ABCG1: variants seen among roughly 807,000 people sequenced by gnomAD.
The protein encoded by ABCG1 is ATP-binding cassette sub-family G member 1.
ABCG1 carries 29 observed loss-of-function variants against 69.2 expected under a neutral mutation model. The observed-to-expected ratio is 0.42, with a 90% CI of 0.31 to 0.57. ABCG1 has a LOEUF of 0.57. ABCG1 is among the 20% of genes least tolerant of loss of function. The pLI is 0.15. For synonymous variants in ABCG1, 370 were observed against 374.8 expected, an observed-to-expected ratio of 0.99 and a Z score of 0.15; for missense variants, 718 against 898.1, an observed-to-expected ratio of 0.80 and a Z score of 2.56.
chr21:42,223,430 T>A (rs1490918400), intron 1 of ABCG1, among the ~76,000 whole-genome samples: 1 of 152,098 alleles, frequency 6.6e-6, no homozygotes, highest in Non-Finnish European at 1.5e-5. Flanking sequence ...TTGTAATTAG[T>A]TGGTCTTCCT....
Position 42,273,915 on chromosome 21 carries a change from C to T in ABCG1, c.537+480C>T, listed in dbSNP as rs1482045968. ...GGTGGGAAAATGAAACCAGCAGTGG[C>T]CGAGCATCTCCTGGGTCCCAGGCCC... is the stretch of plus-strand genomic sequence containing the variant. On this transcript the variant is annotated intron_variant, in intron 4 of 14. Transcript: ENST00000398449. The surrounding 1 kb of genome is among the most constrained non-coding windows in gnomAD (Gnocchi z 5.3). 6.6e-6 allele frequency among the ~76,000 whole-genome samples: 1 copy of T among 152,156 alleles called. No individual in the cohort carries two copies. Among genetic ancestry groups the T allele is most frequent in the Non-Finnish European group, 1.5e-5 (1 of 68,030 alleles).
rs998261099 is a variant in ABCG1 at position 42,225,808 on chromosome 21, C to G, written c.180C>G (p.Leu60=). 5 of 1,613,936 alleles carry G rather than the reference C, an allele frequency of 3.1e-6. No individual in the cohort carries two copies. The highest frequency in any genetic ancestry group is 4.2e-6 in the Non-Finnish European group (5 of 1,179,992). The change falls in exon 2 of 15, where the codon CTC becomes CTG. Residue 60 remains leucine, a synonymous_variant. Coordinates refer to ENST00000398449, the MANE Select transcript of ABCG1 (RefSeq NM_016818.3). ...NGHLKKVDNN[L]TEAQRFSSLP... is the part of the protein sequence containing the mutation. ...ATCTGAAAAAAGTAGATAATAACCTCACGGAAGCCCAGCGCTTCTCCTCCT... is the reference window on the plus strand; with the variant it reads ...ATCTGAAAAAAGTAGATAATAACCTGACGGAAGCCCAGCGCTTCTCCTCCT...
At chr21:42,212,191 G>A (rs1324238679), upstream of ABCG1, among the ~76,000 whole-genome samples, 1 of 152,082 alleles carries the variant, frequency 6.6e-6, no homozygotes, top group Non-Finnish European at 1.5e-5. Flanking sequence ...TGTTATAGGA[G>A]TCCAAATGGA....
chr21:42,210,720 C>T (rs935301246), intron 2 of ABCG1, among the ~76,000 whole-genome samples: 33 of 142,298 alleles, frequency 2.3e-4, no homozygotes, highest in African/African-American at 9.2e-4. Context: ...CGCCCCCCTC[C>T]CTCCACCCTG....
chr21:42,249,092 C>T (rs2068180488), intron 2 of ABCG1, among the ~76,000 whole-genome samples: 1 of 152,174 alleles, frequency 6.6e-6, no homozygotes, highest in Non-Finnish European at 1.5e-5. Flanking sequence ...CTAAAAACTT[C>T]AAAACATTCA....
chr21:42,233,340 G>C (rs557215025), intron 2 of ABCG1, among the ~76,000 whole-genome samples: 1 of 152,162 alleles, frequency 6.6e-6, no homozygotes. Context: ...TCGTGCTGCC[G>C]TAGCCCGCCC....
In ABCG1 at chr21:42,284,674, G is replaced by C. The variant is rs139950936; in HGVS notation, c.849G>C (p.Leu283=). ...AGCCCAGCGCCAAACTCTTCGAGCT[G>C]TTCGACCAGGTACGCGGGCCCCGGG... ...IHQPSAKLFE[L]FDQLYVLSQG... The change falls in exon 7 of 15, where the codon CTG becomes CTC. Residue 283 remains leucine, a synonymous_variant. Coordinates refer to ENST00000398449, the MANE Select transcript of ABCG1 (RefSeq NM_016818.3). The C allele has an allele frequency of 1.3e-4, 212 of 1,613,276 alleles. No homozygotes were observed. The highest frequency in any genetic ancestry group is 1.7e-4 in the Non-Finnish European group (203 of 1,179,996).
intron 2 of ABCG1, among the ~76,000 whole-genome samples, chr21:42,246,210 A>G (rs1490072203): frequency 6.6e-6 from 1 of 152,202 alleles, no homozygotes; most frequent in African/African-American, 2.4e-5. Context: ...CCAAACACTT[A>G]GAAGAATAAA....
chr21:42,281,781 C>T (rs898839235), intron 5 of ABCG1, among the ~76,000 whole-genome samples: 14 of 152,210 alleles, frequency 9.2e-5, no homozygotes, highest in Non-Finnish European at 1.6e-4. Context: ...CTCCATGCTG[C>T]TCTGTGCACT....
At chr21:42,254,772 G>C (rs750053866) in intron 2 of ABCG1, among the ~76,000 whole-genome samples, 1 of 152,250 alleles carries the variant, frequency 6.6e-6, no homozygotes, top group Non-Finnish European at 1.5e-5. Flanking sequence ...GAGGGAGGAA[G>C]AGGGGTCTGG....
chr21:42,224,195 C>A (rs2067776664), intron 1 of ABCG1, among the ~76,000 whole-genome samples: 1 of 152,160 alleles, frequency 6.6e-6, no homozygotes, highest in South Asian at 2.1e-4. Context: ...TTGTTGACAT[C>A]CCCCCTCCAA....
intron 2 of ABCG1, among the ~76,000 whole-genome samples, chr21:42,255,537 A>T (rs1309046462): frequency 6.6e-6 from 1 of 152,178 alleles, no homozygotes. Context: ...CACTGTGTGT[A>T]CAGGGCAGAC....
chr21:42,286,018 G>C lies in ABCG1; in HGVS notation c.973+24G>C, dbSNP rs772161934. The C allele has an allele frequency of 5.2e-6, 8 of 1,530,806 alleles. No homozygotes were observed. In the East Asian group the frequency reaches 9.0e-5, roughly 17 times the overall value. The allele number at this position is 1,530,806 out of a possible 1,614,324, so 94.8% of individuals were successfully genotyped here. A position where few individuals can be genotyped will look rare whatever the true frequency, so the allele number is the denominator to read the frequency against. ...TGGTAAGCGGAGTCCTGAGCAGCTC[G>C]GGGGACAGAAAGGGGATTTTCCTCC... On this transcript the variant is annotated intron_variant, in intron 8 of 14. Coordinates refer to ENST00000398449, the MANE Select transcript of ABCG1 (RefSeq NM_016818.3).
chr21:42,256,253 G>A, intron 2 of ABCG1: 2 of 1,487,304 alleles, frequency 1.3e-6, no homozygotes, highest in South Asian at 1.4e-5. Flanking sequence ...GCAACAGACA[G>A]AACACTTACC....
chr21:42,219,819 G>A lies in ABCG1; in HGVS notation c.42+515G>A. ...AAGAGGAAGCTGCCCCCAGAGAGCC[G>A]GAGCCTGCGACTGCACTCCCGGGGA... On this transcript the variant is annotated intron_variant, in intron 1 of 14. Transcript: ENST00000398449. The surrounding 1 kb of genome is among the most constrained non-coding windows in gnomAD (Gnocchi z 5.3). 1 of 1,452,868 alleles carries A rather than the reference G, an allele frequency of 6.9e-7. No homozygotes were observed. Among genetic ancestry groups the A allele is most frequent in the African/African-American group, 1.4e-5 (1 of 69,928 alleles). 90.0% of individuals were successfully genotyped at this position (1,452,868 alleles called of 1,614,324 possible).
chr21:42,251,713 A>G (rs548654177), intron 2 of ABCG1, among the ~76,000 whole-genome samples: 2 of 152,326 alleles, frequency 1.3e-5, no homozygotes, highest in East Asian at 3.9e-4. Flanking sequence ...AGGCCTAGGC[A>G]CAGTCGGTCC....
chr21:42,201,750 T>C, intron 2 of ABCG1: 4 of 1,613,274 alleles, frequency 2.5e-6, no homozygotes, highest in South Asian at 2.2e-5. Context: ...CAGGGAAGGA[T>C]TTGGAAGCTA....
At chr21:42,229,020 C>A (rs1258428937) in intron 2 of ABCG1, among the ~76,000 whole-genome samples, 2 of 152,240 alleles carry the variant, frequency 1.3e-5, no homozygotes, top group Non-Finnish European at 1.5e-5. Flanking sequence ...CGCCTCTGCG[C>A]CTGCTGGTCC....
chr21:42,268,392 C>CAT (rs1555957942), intron 2 of ABCG1, among the ~76,000 whole-genome samples: 2 of 121,720 alleles, frequency 1.6e-5, no homozygotes, highest in African/African-American at 3.2e-5. Flanking sequence ...TGTGTGTGCG[C>CAT]GCGCGCGCTG....
Sources: allele counts gnomAD v4.1 joint callset (sites outside exome capture counted in the v4.1 genomes callset), GRCh38; gene constraint gnomAD v4.1.1; non-coding constraint Gnocchi (gnomAD v3.1); transcripts MANE v1.5; gene names NCBI Gene and HGNC (gene_info 2026-07-23, HGNC 2026-07-21).